Variants in CDYL2 observed in about 807,000 individuals in gnomAD.
CDYL2 encodes chromodomain Y-like protein 2.
A neutral mutation model predicts 49.4 loss-of-function variants in CDYL2; 23 were observed. That is an observed-to-expected ratio of 0.47 (90% CI 0.34 to 0.66). CDYL2 has a LOEUF of 0.66. CDYL2 is among the 30% of genes least tolerant of loss of function. The probability of loss-of-function intolerance (pLI) is 0.01; values close to 1 mark genes in which losing one functional copy is unlikely to be tolerated. For synonymous variants in CDYL2, 360 were observed against 268.8 expected (o/e 1.34, Z -3.32); for missense variants, 678 against 656.4 (o/e 1.03, Z -0.36).
At chr16:80,613,961 G>T (rs1394826592) in intron 4 of CDYL2, among the ~76,000 whole-genome samples, 1 of 152,144 alleles carries the variant, frequency 6.6e-6, no homozygotes, top group East Asian at 1.9e-4. Flanking sequence ...AGCCACATGG[G>T]CCTCTGAGAG....
At chr16:80,713,220 T>C (rs1488502993) in intron 1 of CDYL2, among the ~76,000 whole-genome samples, 1 of 152,184 alleles carries the variant, frequency 6.6e-6, no homozygotes, top group Non-Finnish European at 1.5e-5. Flanking sequence ...TAATAAGCGC[T>C]AGGTGGCTGG....
chr16:80,623,921 T>A (rs1907193202), intron 3 of CDYL2, among the ~76,000 whole-genome samples: 1 of 152,162 alleles, frequency 6.6e-6, no homozygotes, highest in South Asian at 2.1e-4. Flanking sequence ...GGAAAGCAGA[T>A]CCTTCTCCCC....
intron 1 of CDYL2, 67 bp from the exon 2 acceptor site, chr16:80,685,196 C>T (rs140000586): frequency 2.5e-5 from 31 of 1,236,982 alleles, no homozygotes; most frequent in Non-Finnish European, 3.3e-5. Context: ...TTCGAGGCAA[C>T]AAGAACACCA....
At chr16:80,708,111 G>A (rs144839625) in intron 1 of CDYL2, among the ~76,000 whole-genome samples, 1 of 152,118 alleles carries the variant, frequency 6.6e-6, no homozygotes, top group Non-Finnish European at 1.5e-5. Context: ...GAAAAATCCA[G>A]GACTGGGATG....
chr16:80,777,018 T>C (rs9928624), intron 1 of CDYL2, among the ~76,000 whole-genome samples: 31,884 of 151,836 alleles, frequency 0.21, 5,750 homozygotes, highest in African/African-American at 0.5. Flanking sequence ...GACGGGGTTT[T>C]ACCGTGTTGC....
intron 1 of CDYL2, among the ~76,000 whole-genome samples, chr16:80,775,316 TAAGG>T (rs1055587112): frequency 3.9e-5 from 6 of 151,908 alleles, no homozygotes; most frequent in Non-Finnish European, 7.4e-5. Flanking sequence ...ATAAAATGCT[TAAGG>T]AAGTAGGTAT....
intron 1 of CDYL2, among the ~76,000 whole-genome samples, chr16:80,716,071 G>A (rs945000803): frequency 6.6e-6 from 1 of 152,226 alleles, no homozygotes; most frequent in African/African-American, 2.4e-5. Context: ...TCATTATAAG[G>A]ATGAAAAGTC....
chr16:80,623,939 C>G (rs1285678227), intron 3 of CDYL2, among the ~76,000 whole-genome samples: 3 of 152,176 alleles, frequency 2.0e-5, no homozygotes, highest in Admixed American at 1.3e-4. Context: ...CCCTCCCAGA[C>G]TGTGGATTTT....
chr16:80,631,554 C>G (rs1050636660), intron 3 of CDYL2, among the ~76,000 whole-genome samples: 3 of 152,146 alleles, frequency 2.0e-5, no homozygotes, highest in African/African-American at 7.2e-5. Context: ...GTAAAACAGA[C>G]TTTATCAAAA....
intron 6 of CDYL2, among the ~76,000 whole-genome samples, chr16:80,606,891 C>T (rs1186313447): frequency 1.3e-5 from 2 of 152,196 alleles, no homozygotes; most frequent in African/African-American, 4.8e-5. Context: ...TGCCTTTGGC[C>T]TTCCGCCATG....
intron 1 of CDYL2, among the ~76,000 whole-genome samples, chr16:80,786,164 C>A (rs1038062289): frequency 6.6e-6 from 1 of 151,970 alleles, no homozygotes; most frequent in Non-Finnish European, 1.5e-5. Context: ...ACTATCATCA[C>A]AGTGAACAGG....
intron 2 of CDYL2, among the ~76,000 whole-genome samples, chr16:80,672,681 C>T (rs1909579090): frequency 1.3e-5 from 2 of 152,248 alleles, no homozygotes; most frequent in Admixed American, 6.5e-5. Flanking sequence ...CTGGAGGCTG[C>T]AGGCCAGCTG....
At chr16:80,606,800 T>C (rs1906356017) in intron 6 of CDYL2, among the ~76,000 whole-genome samples, 1 of 152,182 alleles carries the variant, frequency 6.6e-6, no homozygotes, top group Admixed American at 6.5e-5. Context: ...TGAAGAAGTC[T>C]CAAGAGATCT....
chr16:80,621,671 A>T lies in CDYL2; in HGVS notation c.835-736T>A, dbSNP rs143617947. On this transcript the variant is annotated intron_variant, in intron 3 of 6. Transcript: ENST00000570137. Reference sequence around the variant, plus strand: ...CCTGGGAGGTAGTGATGAATTCTGGATAAAAGGCATTTTGTTCCTCCTCTT... The same window carrying T: ...CCTGGGAGGTAGTGATGAATTCTGGTTAAAAGGCATTTTGTTCCTCCTCTT... Among the ~76,000 whole-genome samples the T allele has an allele frequency of 4.6e-5, 7 of 152,354 alleles. No individual in the cohort carries two copies. The East Asian group carries it at 1.2e-3, about 25-fold the overall frequency.
intron 1 of CDYL2, among the ~76,000 whole-genome samples, chr16:80,732,726 T>G (rs1332069081): frequency 6.6e-6 from 1 of 152,184 alleles, no homozygotes; most frequent in Non-Finnish European, 1.5e-5. Flanking sequence ...ATCCGGGCAT[T>G]ACATGAGATT....
intron 1 of CDYL2, among the ~76,000 whole-genome samples, chr16:80,725,010 G>T (rs9937518): frequency 6.6e-6 from 1 of 151,982 alleles, no homozygotes; most frequent in Non-Finnish European, 1.5e-5. Context: ...AGTTAAGCAT[G>T]GTCTAGATGC....
intron 1 of CDYL2, among the ~76,000 whole-genome samples, chr16:80,740,966 A>AT (rs1412478668): frequency 6.6e-6 from 1 of 151,834 alleles, no homozygotes. Context: ...CCCCATCTGG[A>AT]TTTTTTAAAC....
chr16:80,650,193 G>A (rs1192684096), intron 2 of CDYL2, among the ~76,000 whole-genome samples: 1 of 152,172 alleles, frequency 6.6e-6, no homozygotes, highest in Non-Finnish European at 1.5e-5. Flanking sequence ...GCCACAGAAT[G>A]GGAGAAAACG....
At chr16:80,760,808 T>C (rs905636484) in intron 1 of CDYL2, among the ~76,000 whole-genome samples, 2 of 151,588 alleles carry the variant, frequency 1.3e-5, no homozygotes, top group African/African-American at 2.4e-5. Context: ...AGCAAGAACA[T>C]TCAGAGTTGA....
Sources: gnomAD v4.1 joint callset for allele counts (sites outside exome capture counted in the v4.1 genomes callset) on GRCh38, gnomAD v4.1.1 for gene constraint, MANE v1.5 for transcripts, NCBI Gene and HGNC (gene_info 2026-07-23, HGNC 2026-07-21) for gene names.